PRKN: variants seen among roughly 807,000 people sequenced by gnomAD.
The protein encoded by PRKN is parkin RBR E3 ubiquitin protein ligase, also known as E3 ubiquitin-protein ligase parkin.
Under a neutral mutation model 59.5 loss-of-function variants are expected in PRKN, and 56 were observed. The observed-to-expected ratio is 0.94, with a 90% confidence interval of 0.76 to 1.18. PRKN has a LOEUF of 1.18. PRKN is among the 50% of genes most tolerant of loss of function. The pLI, the probability that PRKN is intolerant of heterozygous loss-of-function variation, is 0.00. For missense variants in PRKN, 657 were observed against 596.4 expected, an observed-to-expected ratio of 1.10 and a Z score of -1.06; for synonymous variants, 250 against 222.1, an observed-to-expected ratio of 1.13 and a Z score of -1.12.
chr6:161,648,861 C>G (rs1784052747), intron 7 of PRKN, among the ~76,000 whole-genome samples: 1 of 152,152 alleles, frequency 6.6e-6, no homozygotes, highest in South Asian at 2.1e-4. Flanking sequence ...CTTGGAAAAT[C>G]CTCCAGAGTA....
chr6:161,772,534 T>C (rs952671615), intron 7 of PRKN, among the ~76,000 whole-genome samples: 1 of 152,172 alleles, frequency 6.6e-6, no homozygotes, highest in Middle Eastern at 3.2e-3. Flanking sequence ...GTTGAGGACG[T>C]TGGATACAAC....
At chr6:161,999,691 T>A (rs1781977601) in intron 5 of PRKN, among the ~76,000 whole-genome samples, 1 of 152,030 alleles carries the variant, frequency 6.6e-6, no homozygotes, top group Admixed American at 6.6e-5. Context: ...AATGATGAAA[T>A]GGAACTACTT....
At chr6:162,636,504 G>A (rs899372345) in intron 1 of PRKN, among the ~76,000 whole-genome samples, 2 of 152,138 alleles carry the variant, frequency 1.3e-5, no homozygotes, top group Admixed American at 6.6e-5. Context: ...GCCTTGTTAA[G>A]GGCATCTTAA....
rs1787252720 is a variant in PRKN, at chr6:161,405,945, A to G, written c.1084-19068T>C. Among the ~76,000 whole-genome samples the G allele has an allele frequency of 6.6e-6, 1 of 152,046 alleles. No individual in the cohort carries two copies. Among genetic ancestry groups the G allele is most frequent in the Non-Finnish European group, 1.5e-5 (1 of 68,010 alleles). On this transcript the variant is annotated intron_variant, in intron 9 of 11. Transcript: ENST00000366898. The surrounding 1 kb of genome is among the most constrained non-coding windows in gnomAD (Gnocchi z 5.1). ...GAGGAATGTCAAGTTAATTTCAAGGATCTAAAATAAACATATATCTGACAC... is the reference window on the plus strand; with the variant it reads ...GAGGAATGTCAAGTTAATTTCAAGGGTCTAAAATAAACATATATCTGACAC...
intron 1 of PRKN, among the ~76,000 whole-genome samples, chr6:162,506,307 G>A (rs1453043237): frequency 7.1e-6 from 1 of 140,766 alleles, no homozygotes; most frequent in African/African-American, 2.7e-5. Context: ...AAAAAAGGAA[G>A]CAAAAGAATT....
chr6:162,504,124 T>G (rs1793502354), intron 1 of PRKN, among the ~76,000 whole-genome samples: 1 of 151,896 alleles, frequency 6.6e-6, no homozygotes, highest in Non-Finnish European at 1.5e-5. Flanking sequence ...GACGGGAAAC[T>G]CCAGGGGTTG....
intron 1 of PRKN, among the ~76,000 whole-genome samples, chr6:162,713,106 A>G (rs187820977): frequency 1.4e-4 from 21 of 152,378 alleles, no homozygotes; most frequent in Admixed American, 1.4e-3. Flanking sequence ...TATACTTTTT[A>G]AATTCCAAAC....
chr6:161,960,901 C>A (rs1375746432), intron 6 of PRKN, among the ~76,000 whole-genome samples: 1 of 152,144 alleles, frequency 6.6e-6, no homozygotes, highest in Non-Finnish European at 1.5e-5. Flanking sequence ...AATATAGACA[C>A]CAATGCAGGA....
rs1028749539 is a variant in PRKN, at chr6:161,811,457, A to C, written c.735-25549T>G. Among the ~76,000 whole-genome samples the C allele has an allele frequency of 4.6e-5, 7 of 152,328 alleles. No individual in the cohort carries two copies. The East Asian group carries it at 1.4e-3, about 29-fold the overall frequency. ...GAAGAGTGAGTCTAACAGAGGAGCC[A>C]AGGTAGCTCAACGGGAGAGGGCTGG... On this transcript the variant is annotated intron_variant, in intron 6 of 11. Transcript: ENST00000366898.
rs996043943 is a variant in PRKN at position 161,742,011 on chromosome 6, C to T, written c.871+43761G>A. 4.0e-5 allele frequency among the ~76,000 whole-genome samples: 6 copies of T among 151,724 alleles called. No homozygotes were observed. In the East Asian group the frequency reaches 7.7e-4, roughly 20 times the overall value. Reference sequence around the variant, plus strand: ...TGAGACGGAGTCTTGCTCTTGTCACCGAGGCTGGAGTGCAGTGGCACGATC... The same window carrying T: ...TGAGACGGAGTCTTGCTCTTGTCACTGAGGCTGGAGTGCAGTGGCACGATC... On this transcript the variant is annotated intron_variant, in intron 7 of 11. Coordinates refer to ENST00000366898, the MANE Select transcript of PRKN (RefSeq NM_004562.3).
At chr6:161,890,371 G>A (rs1795297635) in intron 6 of PRKN, among the ~76,000 whole-genome samples, 2 of 152,096 alleles carry the variant, frequency 1.3e-5, no homozygotes, top group Admixed American at 6.5e-5. Context: ...AGCAGCCCTG[G>A]TCTTGGCATC....
At chr6:161,570,124 T>TAAAAAA (rs55699586) in intron 7 of PRKN, among the ~76,000 whole-genome samples, 4 of 51,406 alleles carry the variant, frequency 7.8e-5, no homozygotes, top group Admixed American at 2.8e-4. Context: ...AGTAAATAGG[T>TAAAAAA]AAAAAAAAAA....
At chr6:162,685,790 C>A (rs192117580) in intron 1 of PRKN, among the ~76,000 whole-genome samples, 1 of 152,140 alleles carries the variant, frequency 6.6e-6, no homozygotes, top group African/African-American at 2.4e-5. Flanking sequence ...TCAAACAGAG[C>A]TGAGTATTTT....
intron 6 of PRKN, among the ~76,000 whole-genome samples, chr6:161,792,765 T>A (rs1790688320): frequency 6.6e-6 from 1 of 152,212 alleles, no homozygotes; most frequent in Non-Finnish European, 1.5e-5. Flanking sequence ...CATGGAGAAC[T>A]ATGACTCCTG....
At chr6:161,995,501 T>C (rs1352500344) in intron 5 of PRKN, among the ~76,000 whole-genome samples, 1 of 152,050 alleles carries the variant, frequency 6.6e-6, no homozygotes, top group African/African-American at 2.4e-5. Context: ...ATCTCCAAAC[T>C]ATTCATTCAA....
chr6:162,283,956 A>T (rs560311486), intron 2 of PRKN, among the ~76,000 whole-genome samples: 1 of 152,218 alleles, frequency 6.6e-6, no homozygotes, highest in Admixed American at 6.5e-5. Context: ...TTCAAATTAT[A>T]GCACAAACAT....
chr6:161,667,068 G>A (rs1253067055), intron 7 of PRKN, among the ~76,000 whole-genome samples: 1 of 152,198 alleles, frequency 6.6e-6, no homozygotes, highest in Non-Finnish European at 1.5e-5. Context: ...ACACAGCCAA[G>A]GAAAGTCTGG....
intron 1 of PRKN, among the ~76,000 whole-genome samples, chr6:162,614,110 G>C (rs1198928651): frequency 6.6e-6 from 1 of 152,092 alleles, no homozygotes; most frequent in Non-Finnish European, 1.5e-5. Context: ...GGAGTCAAAT[G>C]ATTCTGACAA....
At chr6:161,508,847 CTT>C (rs756937175) in intron 9 of PRKN, among the ~76,000 whole-genome samples, 17 of 144,788 alleles carry the variant, frequency 1.2e-4, no homozygotes, top group African/African-American at 1.0e-4. Flanking sequence ...GTTATAATTC[CTT>C]TTTTTTTTTT....
Sources: gnomAD v4.1 joint callset for allele counts (sites outside exome capture counted in the v4.1 genomes callset) on GRCh38, gnomAD v4.1.1 for gene constraint, Gnocchi (gnomAD v3.1) non-coding constraint, MANE v1.5 for transcripts, NCBI Gene and HGNC (gene_info 2026-07-23, HGNC 2026-07-21) for gene names.